The following DDC variants were observed in gnomAD, a reference collection of about 807,000 sequenced individuals.
The protein encoded by DDC is aromatic-L-amino-acid decarboxylase.
A neutral mutation model predicts 60.0 loss-of-function variants in DDC; 43 were observed. The observed-to-expected ratio is 0.72, with a 90% CI of 0.56 to 0.92. The LOEUF (loss-of-function observed/expected upper bound fraction) is 0.92. Among genes scored for constraint, DDC ranks in the 40% least tolerant of loss-of-function variants. The pLI, the probability that DDC is intolerant of heterozygous loss-of-function variation, is 0.00. For missense variants in DDC, 573 were observed against 620.2 expected (o/e 0.92, Z 0.81); for synonymous variants, 232 against 234.6 (o/e 0.99, Z 0.10).
intron 6 of DDC, among the ~76,000 whole-genome samples, chr7:50,512,950 C>A (rs943796499): frequency 6.6e-5 from 10 of 152,162 alleles, no homozygotes; most frequent in African/African-American, 2.4e-4. Context: ...TACATTTATA[C>A]CTAAGGCCAA....
intron 1 of DDC, among the ~76,000 whole-genome samples, chr7:50,556,602 T>C (rs1238261817): frequency 6.6e-6 from 1 of 152,154 alleles, no homozygotes; most frequent in Admixed American, 6.5e-5. Context: ...AATTACAAAG[T>C]AGATGCTCGA....
At chr7:50,553,617 G>A (rs1311180843) in intron 1 of DDC, among the ~76,000 whole-genome samples, 3 of 151,190 alleles carry the variant, frequency 2.0e-5, no homozygotes, top group African/African-American at 4.9e-5. Flanking sequence ...CTCCTGAGTA[G>A]GTGGGACTAC....
chr7:50,559,304 C>T (rs987422345), intron 1 of DDC, among the ~76,000 whole-genome samples: 1 of 143,668 alleles, frequency 7.0e-6, no homozygotes, highest in African/African-American at 2.5e-5. Flanking sequence ...GGATTCTAAC[C>T]TTTTCTACGA....
chr7:50,496,853 G>A (rs1016167436), intron 8 of DDC, among the ~76,000 whole-genome samples: 3 of 152,216 alleles, frequency 2.0e-5, no homozygotes, highest in African/African-American at 2.4e-5. Flanking sequence ...GAAGCTTGAG[G>A]GACCTGGGGG....
intron 1 of DDC, among the ~76,000 whole-genome samples, chr7:50,550,745 T>A (rs2044967378): frequency 6.6e-6 from 1 of 152,180 alleles, no homozygotes; most frequent in African/African-American, 2.4e-5. Context: ...TTCTGATAAG[T>A]CTTTCTAAAG....
rs369238575 is a variant in DDC, at chr7:50,506,536, T to C, written c.715-2477A>G. Among the ~76,000 whole-genome samples, 13 of 152,110 alleles carry C rather than the reference T, an allele frequency of 8.5e-5. No homozygotes were observed. The East Asian group carries it at 1.2e-3, about 14-fold the overall frequency. ...AAAGAAAGGTGAACTTGCAAGTGAG[T>C]CCTTTAAGAGCTCTAGGAAACCCCT... On this transcript the variant is annotated intron_variant, in intron 6 of 14. Coordinates refer to ENST00000444124, the MANE Select transcript of DDC (RefSeq NM_001082971.2).
chr7:50,521,707 C>T lies in DDC; in HGVS notation c.714+6430G>A, dbSNP rs181484107. Among the ~76,000 whole-genome samples the T allele has an allele frequency of 3.9e-5, 6 of 152,302 alleles. No homozygotes were observed. In the East Asian group the frequency reaches 9.6e-4, roughly 24 times the overall value. On this transcript the variant is annotated intron_variant, in intron 6 of 14. Transcript: ENST00000444124. ...CAGAAAAGTGTTTGACAAAATTCAA[C>T]ACTTGTTCATAATAAAAACTCCTAG...
intron 14 of DDC, among the ~76,000 whole-genome samples, chr7:50,462,920 C>T (rs1348913468): frequency 6.6e-6 from 1 of 152,094 alleles, no homozygotes; most frequent in Non-Finnish European, 1.5e-5. Context: ...CAGGTGCATG[C>T]CACCACGCCC....
Position 50,547,027 on chromosome 7 carries a change from GT to G in DDC, c.-28-2915del, listed in dbSNP as rs942511440. On this transcript the variant is annotated intron_variant, in intron 1 of 14. Coordinates refer to ENST00000444124, the MANE Select transcript of DDC (RefSeq NM_001082971.2). ...AATTAGTTTTTAGTTTGAAGTGACT[GT>G]TTTTTTTTAATTTTGCACATACAGT... Among the ~76,000 whole-genome samples, 10 of 151,428 alleles carry G rather than the reference GT, an allele frequency of 6.6e-5. No individual in the cohort carries two copies. In the South Asian group the frequency reaches 1.3e-3, roughly 19 times the overall value.
chr7:50,536,926 T>C (rs1156421326), intron 4 of DDC, among the ~76,000 whole-genome samples: 1 of 152,158 alleles, frequency 6.6e-6, no homozygotes, highest in Non-Finnish European at 1.5e-5. Flanking sequence ...AGCCCCTTTT[T>C]CCCAAAGTTA....
rs200233157 is a variant in DDC at position 50,543,912 on chromosome 7, G to T, written c.174C>A (p.Asn58Lys). 1 of 1,614,156 alleles carries T rather than the reference G, an allele frequency of 6.2e-7. No homozygotes were observed. The highest frequency in any genetic ancestry group is 8.5e-7 in the Non-Finnish European group (1 of 1,180,032). The part of the protein sequence containing the change: ...QEPDTFEDII[N>K]DVEKIIMPGV... ...CAGGCATGATTATCTTCTCAACGTC[G>T]TTGATGATGTCCTCAAACGTGTCTG... The change falls in exon 2 of 15, where the codon AAC (asparagine) becomes AAA (lysine). Residue 58 changes from asparagine to lysine, a missense_variant. Asn to Lys is a moderately conservative substitution (Grantham distance 94). Transcript: ENST00000444124.
chr7:50,555,182 AC>A (rs1479327789), intron 1 of DDC, among the ~76,000 whole-genome samples: 3 of 152,012 alleles, frequency 2.0e-5, no homozygotes, highest in Non-Finnish European at 2.9e-5. Flanking sequence ...GGATGGTGGT[AC>A]CTCTGCCTTC....
At chr7:50,531,568 G>C (rs1166140937) in intron 4 of DDC, among the ~76,000 whole-genome samples, 1 of 148,126 alleles carries the variant, frequency 6.8e-6, no homozygotes, top group Non-Finnish European at 1.5e-5. Flanking sequence ...ACTCATTATG[G>C]CTTTTCTCTG....
chr7:50,460,458 C>T lies in DDC; in HGVS notation c.*19-1615G>A, dbSNP rs559594964. On this transcript the variant is annotated intron_variant, in intron 14 of 14. Transcript: ENST00000444124. The stretch of plus-strand genomic sequence containing the variant: ...CAGCCGCCCCGTCCGGCCAGCCACC[C>T]GGTCCAGGAGGTGAGGGGCGCCTCT... Among the ~76,000 whole-genome samples, 5 of 151,266 alleles carry T rather than the reference C, an allele frequency of 3.3e-5. No homozygotes were observed. The South Asian group carries it at 6.2e-4, about 19-fold the overall frequency.
At chr7:50,547,669 C>G (rs2044851472) in intron 1 of DDC, among the ~76,000 whole-genome samples, 11 of 152,046 alleles carry the variant, frequency 7.2e-5, no homozygotes, top group Admixed American at 7.2e-4. Flanking sequence ...GTGGCCAACA[C>G]TCCGAGACCG....
chr7:50,460,719 G>T (rs916112614), intron 14 of DDC, among the ~76,000 whole-genome samples: 3 of 151,660 alleles, frequency 2.0e-5, no homozygotes, highest in Non-Finnish European at 4.4e-5. Flanking sequence ...AAATTCTTCT[G>T]CCTCGTGATC....
At chr7:50,473,023 G>A (rs1310259360) in intron 11 of DDC, among the ~76,000 whole-genome samples, 1 of 152,180 alleles carries the variant, frequency 6.6e-6, no homozygotes, top group Non-Finnish European at 1.5e-5. Flanking sequence ...AATGCTCTGG[G>A]GACATTTGCC....
intron 9 of DDC, among the ~76,000 whole-genome samples, chr7:50,484,781 G>A (rs1341059778): frequency 6.6e-6 from 1 of 152,124 alleles, no homozygotes; most frequent in Non-Finnish European, 1.5e-5. Flanking sequence ...TAGGGGATCA[G>A]GAAAAGGACC....
intron 1 of DDC, among the ~76,000 whole-genome samples, chr7:50,559,163 T>A (rs902802396): frequency 3.3e-5 from 5 of 152,166 alleles, no homozygotes; most frequent in African/African-American, 7.2e-5. Flanking sequence ...TTTACAGCAA[T>A]GCGAAGAGGC....
Sources: allele counts gnomAD v4.1 joint callset (sites outside exome capture counted in the v4.1 genomes callset), GRCh38; gene constraint gnomAD v4.1.1; transcripts MANE v1.5; gene names NCBI Gene and HGNC (gene_info 2026-07-23, HGNC 2026-07-21).